The following FOXD3 variants were observed in gnomAD, a reference collection of about 807,000 sequenced individuals.
FOXD3 encodes the protein forkhead box protein D3.
Under a neutral mutation model 3.6 loss-of-function variants are expected in FOXD3, and 3 were observed. The ratio of observed to expected loss-of-function variants is 0.84; its 90% CI spans 0.38 to 2.18. The LOEUF (loss-of-function observed/expected upper bound fraction) is 2.18, where lower values mean the gene tolerates loss of function less well. FOXD3 is among the 30% of genes most tolerant of loss of function. The probability of loss-of-function intolerance (pLI) is 0.06; values close to 1 mark genes in which losing one functional copy is unlikely to be tolerated. For synonymous variants in FOXD3, 391 were observed against 360.9 expected (o/e 1.08, Z -0.94); for missense variants, 686 against 731.6 (o/e 0.94, Z 0.72).
rs981994265 is a variant in FOXD3 at position 63,324,799 on chromosome 1, C to G, written c.*304C>G. 1.3e-4 allele frequency: 54 copies of G among 423,808 alleles called. No homozygotes were observed. The South Asian group carries it at 1.7e-3, about 14-fold the overall frequency. 26.3% of individuals were successfully genotyped at this position (423,808 alleles called of 1,614,324 possible). A position where few individuals can be genotyped will look rare whatever the true frequency, so the allele number is the denominator to read the frequency against. ...CCCCGACGGCGCCTGCTCTTAGTAC[C>G]GTGGGGATGGGAGGGAAATTCTTTG... On this transcript the variant is annotated 3_prime_UTR_variant, in exon 1 of 1. Transcript: ENST00000371116. The surrounding 1 kb of genome is among the most constrained non-coding windows in gnomAD (Gnocchi z 4.1).
At position 63,323,088 on chromosome 1, in the gene FOXD3, C is replaced by A; in HGVS notation, c.30C>A (p.Ser10Arg). ...CCCTCTCCGGCGGCGGCAGCGCCAG[C>A]GACATGTCCGGCCAGACGGTGCTGA... MTLSGGGSA[S>R]DMSGQTVLTA... is the part of the protein sequence containing the mutation. The change falls in exon 1 of 1, where the codon AGC (serine) becomes AGA (arginine). Residue 10 changes from serine to arginine, a missense_variant. Ser to Arg is a moderately radical substitution (Grantham distance 110). Around this residue, in one of 3 missense-constraint regions of FOXD3, gnomAD observed 232 missense variants for 214.0 expected, o/e 1.08. Transcript: ENST00000371116. The surrounding 1 kb of genome is among the most constrained non-coding windows in gnomAD (Gnocchi z 6.8). 1.9e-6 allele frequency: 3 copies of A among 1,557,570 alleles called. No homozygotes were observed. Among genetic ancestry groups the A allele is most frequent in the East Asian group, 2.4e-5 (1 of 40,868 alleles).
In FOXD3 at chr1:63,324,544, C is replaced by CAA. The variant is rs763784179; in HGVS notation, c.*51_*52dup. On this transcript the variant is annotated 3_prime_UTR_variant, in exon 1 of 1. Coordinates refer to ENST00000371116, the MANE Select transcript of FOXD3 (RefSeq NM_012183.3). The surrounding 1 kb of genome is among the most constrained non-coding windows in gnomAD (Gnocchi z 4.1). ...AGGGTCCGGCGGCGGCCTCGAGCAA[C>CAA]AAATGCACCTCCAGGCTGCGCGCCC... 7.7e-5 allele frequency: 106 copies of CAA among 1,377,244 alleles called. 3 individuals carry two copies. In the Middle Eastern group the frequency reaches 2.1e-3, roughly 27 times the overall value. 85.3% of individuals were successfully genotyped at this position (1,377,244 alleles called of 1,614,324 possible).
In FOXD3 at chr1:63,324,566, G is replaced by T; in HGVS notation, c.*71G>T. ...CAACAAATGCACCTCCAGGCTGCGC[G>T]CCCTGTCCCAAGCCCGGTCCCGGTC... On this transcript the variant is annotated 3_prime_UTR_variant, in exon 1 of 1. Transcript: ENST00000371116. The surrounding 1 kb of genome is among the most constrained non-coding windows in gnomAD (Gnocchi z 4.1). 1 of 1,194,050 alleles carries T rather than the reference G, an allele frequency of 8.4e-7. No homozygotes were observed. Among genetic ancestry groups the T allele is most frequent in the Non-Finnish European group, 1.2e-6 (1 of 838,392 alleles). 74.0% of individuals were successfully genotyped at this position (1,194,050 alleles called of 1,614,324 possible). A position where few individuals can be genotyped will look rare whatever the true frequency, so the allele number is the denominator to read the frequency against.
At position 63,323,562 on chromosome 1, in the gene FOXD3, C is replaced by A; in HGVS notation, c.504C>A (p.Cys168Ter). Residue 168 changes from cysteine to a stop codon, truncating the protein, a stop_gained, in exon 1 of 1, where the codon TGC (cysteine) becomes TGA (stop). Coordinates refer to ENST00000371116, the MANE Select transcript of FOXD3 (RefSeq NM_012183.3). LOFTEE classifies it low-confidence loss of function (END_TRUNC). This position sits in a 1 kb window ranked among gnomAD's most constrained non-coding sequence, Gnocchi z 6.8. ...PQKKLTLSGI[C>*]EFISNRFPYY... is the part of the protein sequence containing the mutation. The stretch of plus-strand genomic sequence containing the variant: ...AGAAGCTGACCCTGAGCGGCATCTG[C>A]GAGTTCATCAGCAACCGCTTCCCCT... 1 of 1,614,136 alleles carries A rather than the reference C, an allele frequency of 6.2e-7. No homozygotes were observed. Among genetic ancestry groups the A allele is most frequent in the Non-Finnish European group, 8.5e-7 (1 of 1,180,024 alleles).
In FOXD3 at chr1:63,324,124, G is replaced by A; in HGVS notation, c.1066G>A (p.Gly356Ser). Reference sequence around the variant, plus strand: ...CCTGGGCGCCGCCGCGGCCGCTGCGGGCACAGCGGGCGCCGCGGGCACCAC... The same window carrying A: ...CCTGGGCGCCGCCGCGGCCGCTGCGAGCACAGCGGGCGCCGCGGGCACCAC... ...NSLGAAAAAA[G>S]TAGAAGTTAS... The change falls in exon 1 of 1, where the codon GGC (glycine) becomes AGC (serine). Residue 356 changes from glycine (G) to serine (S), a missense_variant. By Grantham distance (56) the Gly-to-Ser change is moderately conservative. This residue lies in a region of FOXD3 where 370 missense variants were observed against 372.3 expected (regional missense o/e 0.99). Transcript: ENST00000371116. This position sits in a 1 kb window ranked among gnomAD's most constrained non-coding sequence, Gnocchi z 4.1. The A allele has an allele frequency of 2.1e-6, 3 of 1,432,956 alleles. No homozygotes were observed. The highest frequency in any genetic ancestry group is 2.8e-5 in the South Asian group (2 of 70,274). 88.8% of individuals were successfully genotyped at this position (1,432,956 alleles called of 1,614,324 possible). A position where few individuals can be genotyped will look rare whatever the true frequency, so the allele number is the denominator to read the frequency against.
In FOXD3 at chr1:63,324,139, G is replaced by C; in HGVS notation, c.1081G>C (p.Ala361Pro). 4 of 1,433,158 alleles carry C rather than the reference G, an allele frequency of 2.8e-6. No individual in the cohort carries two copies. Among genetic ancestry groups the C allele is most frequent in the South Asian group, 1.4e-5 (1 of 70,100 alleles). 88.8% of individuals were successfully genotyped at this position (1,433,158 alleles called of 1,614,324 possible). ...GGCCGCTGCGGGCACAGCGGGCGCC[G>C]CGGGCACCACCGCGTCGCTCATCAA... ...AAAAAGTAGA[A>P]GTTASLIKSE... Residue 361 changes from alanine (A) to proline (P), a missense_variant, in exon 1 of 1, where the codon GCG (alanine) becomes CCG (proline). Ala to Pro is a conservative substitution (Grantham distance 27, BLOSUM62 -1). Transcript: ENST00000371116. This position sits in a 1 kb window ranked among gnomAD's most constrained non-coding sequence, Gnocchi z 4.1.
Position 63,323,041 on chromosome 1 carries a change from T to C in FOXD3, c.-18T>C, listed in dbSNP as rs1399425275. On this transcript the variant is annotated 5_prime_UTR_variant, in exon 1 of 1. Transcript: ENST00000371116. This position sits in a 1 kb window ranked among gnomAD's most constrained non-coding sequence, Gnocchi z 6.8. ...CCCGCTGCCCCCTCCCCGCCGCCGCTACCAACCCCGAGGAGGGATGACCCT... is the reference window on the plus strand; with the variant it reads ...CCCGCTGCCCCCTCCCCGCCGCCGCCACCAACCCCGAGGAGGGATGACCCT... The C allele has an allele frequency of 3.9e-6, 6 of 1,521,624 alleles. No individual in the cohort carries two copies. The highest frequency in any genetic ancestry group is 3.5e-6 in the Non-Finnish European group (4 of 1,138,642). The allele number at this position is 1,521,624 out of a possible 1,614,324, so 94.3% of individuals were successfully genotyped here. A position where few individuals can be genotyped will look rare whatever the true frequency, so the allele number is the denominator to read the frequency against.
At position 63,324,830 on chromosome 1, in the gene FOXD3, A is replaced by G. The variant is rs2100341777; in HGVS notation, c.*335A>G. 3.3e-6 allele frequency: 1 copy of G among 307,008 alleles called. No homozygotes were observed. Among genetic ancestry groups the G allele is most frequent in the East Asian group, 6.7e-5 (1 of 15,016 alleles). The allele number at this position is 307,008 out of a possible 1,614,324, so 19.0% of individuals were successfully genotyped here. On this transcript the variant is annotated 3_prime_UTR_variant, in exon 1 of 1. Coordinates refer to ENST00000371116, the MANE Select transcript of FOXD3 (RefSeq NM_012183.3). This position sits in a 1 kb window ranked among gnomAD's most constrained non-coding sequence, Gnocchi z 4.1. Reference sequence around the variant, plus strand: ...GATGGGAGGGAAATTCTTTGTATATATTTGTAAAAAAATTATTGACTTTCC... The same window carrying G: ...GATGGGAGGGAAATTCTTTGTATATGTTTGTAAAAAAATTATTGACTTTCC...
At position 63,324,454 on chromosome 1, in the gene FOXD3, G is replaced by T. The variant is rs1423432231; in HGVS notation, c.1396G>T (p.Ala466Ser). 2.1e-5 allele frequency: 32 copies of T among 1,538,580 alleles called. No individual in the cohort carries two copies. The highest frequency in any genetic ancestry group is 2.0e-4 in the Admixed American group (10 of 51,014). The stretch of plus-strand genomic sequence containing the variant: ...GCAGCCCGCAGCCTCGGCCGCCGCC[G>T]CTGCTGCGGCCGCCGCTCAAGCCAA... ...FLQPAASAAA[A>S]AAAAAQAKWP... Residue 466 changes from alanine to serine, a missense_variant, in exon 1 of 1, where the codon GCT becomes TCT. Coordinates refer to ENST00000371116, the MANE Select transcript of FOXD3 (RefSeq NM_012183.3). The surrounding 1 kb of genome is among the most constrained non-coding windows in gnomAD (Gnocchi z 4.1).
At position 63,323,289 on chromosome 1, in the gene FOXD3, G is replaced by A; in HGVS notation, c.231G>A (p.Gln77=). 1.4e-6 allele frequency: 2 copies of A among 1,457,552 alleles called. No homozygotes were observed. Among genetic ancestry groups the A allele is most frequent in the Non-Finnish European group, 1.8e-6 (2 of 1,108,572 alleles). 90.3% of individuals were successfully genotyped at this position (1,457,552 alleles called of 1,614,324 possible). Residue 77 remains glutamine, a synonymous_variant, in exon 1 of 1, where the codon CAG becomes CAA. Coordinates refer to ENST00000371116, the MANE Select transcript of FOXD3 (RefSeq NM_012183.3). The surrounding 1 kb of genome is among the most constrained non-coding windows in gnomAD (Gnocchi z 6.8). ...GACAGCCTCAGCCGCCCCACCAGCA[G>A]CCCCTGACATTGCCCAAGGAGGCGG... ...HHGQPQPPHQ[Q]PLTLPKEAAG...
Position 63,324,281 on chromosome 1 carries a change from G to C in FOXD3, c.1223G>C (p.Gly408Ala). Reference sequence around the variant, plus strand: ...GTCGCCGGCGGCACTGGGGGTTCAGGGGGCGGCAGCACGGCGCAGTCGTTT... The same window carrying C: ...GTCGCCGGCGGCACTGGGGGTTCAGCGGGCGGCAGCACGGCGCAGTCGTTT... ...AGVAGGTGGSGGGSTAQSFLR... is the reference protein window; with the variant it reads ...AGVAGGTGGSAGGSTAQSFLR... Residue 408 changes from glycine (G) to alanine (A), a missense_variant, in exon 1 of 1, where the codon GGG becomes GCG. This residue lies in a region of FOXD3 where 370 missense variants were observed against 372.3 expected (regional missense o/e 0.99). Coordinates refer to ENST00000371116, the MANE Select transcript of FOXD3 (RefSeq NM_012183.3). This position sits in a 1 kb window ranked among gnomAD's most constrained non-coding sequence, Gnocchi z 4.1. 6.6e-7 allele frequency: 1 copy of C among 1,518,506 alleles called. No individual in the cohort carries two copies. The highest frequency in any genetic ancestry group is 2.6e-5 in the East Asian group (1 of 37,892). The allele number at this position is 1,518,506 out of a possible 1,614,324, so 94.1% of individuals were successfully genotyped here.
In FOXD3 at chr1:63,323,181, C is replaced by T. The variant is rs1473760674; in HGVS notation, c.123C>T (p.Asp41=). 5 of 1,559,762 alleles carry T rather than the reference C, an allele frequency of 3.2e-6. No homozygotes were observed. Among genetic ancestry groups the T allele is most frequent in the Non-Finnish European group, 4.3e-6 (5 of 1,155,116 alleles). ...ACGGGCTGGAAGAGAAGGACAGCGA[C>T]GCAGGTTGCGATAGCCCCGCGGGGC... ...GDDGLEEKDS[D]AGCDSPAGPP... The change falls in exon 1 of 1, where the codon GAC becomes GAT. Residue 41 remains aspartate, a synonymous_variant. Transcript: ENST00000371116. The surrounding 1 kb of genome is among the most constrained non-coding windows in gnomAD (Gnocchi z 6.8).
Position 63,324,468 on chromosome 1 carries a change from C to G in FOXD3, c.1410C>G (p.Ala470=). The G allele has an allele frequency of 6.5e-7, 1 of 1,541,020 alleles. No individual in the cohort carries two copies. The highest frequency in any genetic ancestry group is 2.4e-5 in the East Asian group (1 of 40,928). The change falls in exon 1 of 1, where the codon GCC becomes GCG. Residue 470 remains alanine, a synonymous_variant. Coordinates refer to ENST00000371116, the MANE Select transcript of FOXD3 (RefSeq NM_012183.3). This position sits in a 1 kb window ranked among gnomAD's most constrained non-coding sequence, Gnocchi z 4.1. ...CGGCCGCCGCCGCTGCTGCGGCCGCCGCTCAAGCCAAATGGCCGGCGCAAT... is the reference window on the plus strand; with the variant it reads ...CGGCCGCCGCCGCTGCTGCGGCCGCGGCTCAAGCCAAATGGCCGGCGCAAT... ...AASAAAAAAA[A]AQAKWPAQ
chr1:63,324,493 T>C lies in FOXD3; in HGVS notation c.1435T>C (p.Ter479GlnextTer83). 6.5e-7 allele frequency: 1 copy of C among 1,534,998 alleles called. No homozygotes were observed. The highest frequency in any genetic ancestry group is 8.7e-7 in the Non-Finnish European group (1 of 1,145,734). ...AAAQAKWPAQ[*>Q] ...CGCTCAAGCCAAATGGCCGGCGCAA[T>C]AGGGACGCGCCAATGGCCGGGACCC... Residue 479 changes from the stop codon to glutamine (Q), a stop_lost, in exon 1 of 1, where the codon TAG (stop) becomes CAG (glutamine). Coordinates refer to ENST00000371116, the MANE Select transcript of FOXD3 (RefSeq NM_012183.3). This position sits in a 1 kb window ranked among gnomAD's most constrained non-coding sequence, Gnocchi z 4.1.
At position 63,324,517 on chromosome 1, in the gene FOXD3, C is replaced by G; in HGVS notation, c.*22C>G. The G allele has an allele frequency of 3.3e-6, 5 of 1,518,560 alleles. No homozygotes were observed. The highest frequency in any genetic ancestry group is 3.5e-6 in the Non-Finnish European group (4 of 1,132,748). The allele number at this position is 1,518,560 out of a possible 1,614,324, so 94.1% of individuals were successfully genotyped here. On this transcript the variant is annotated 3_prime_UTR_variant, in exon 1 of 1. Coordinates refer to ENST00000371116, the MANE Select transcript of FOXD3 (RefSeq NM_012183.3). This position sits in a 1 kb window ranked among gnomAD's most constrained non-coding sequence, Gnocchi z 4.1. ...ATAGGGACGCGCCAATGGCCGGGAC[C>G]CAGGGTCCGGCGGCGGCCTCGAGCA...
At position 63,324,286 on chromosome 1, in the gene FOXD3, G is replaced by A. The variant is rs1385689488; in HGVS notation, c.1228G>A (p.Gly410Ser). The change falls in exon 1 of 1, where the codon GGC becomes AGC. Residue 410 changes from glycine (G) to serine (S), a missense_variant. Physicochemically the swap from Gly to Ser is moderately conservative, Grantham distance 56. This residue lies in a region of FOXD3 where 370 missense variants were observed against 372.3 expected (regional missense o/e 0.99). Coordinates refer to ENST00000371116, the MANE Select transcript of FOXD3 (RefSeq NM_012183.3). The surrounding 1 kb of genome is among the most constrained non-coding windows in gnomAD (Gnocchi z 4.1). ...CGGCGGCACTGGGGGTTCAGGGGGCGGCAGCACGGCGCAGTCGTTTCTGCG... is the reference window on the plus strand; with the variant it reads ...CGGCGGCACTGGGGGTTCAGGGGGCAGCAGCACGGCGCAGTCGTTTCTGCG... ...VAGGTGGSGGGSTAQSFLRPP... is the reference protein window; with the variant it reads ...VAGGTGGSGGSSTAQSFLRPP... 2 of 1,525,526 alleles carry A rather than the reference G, an allele frequency of 1.3e-6. No individual in the cohort carries two copies. Among genetic ancestry groups the A allele is most frequent in the East Asian group, 5.2e-5 (2 of 38,402 alleles). The allele number at this position is 1,525,526 out of a possible 1,614,324, so 94.5% of individuals were successfully genotyped here.
chr1:63,325,046 T>C lies in FOXD3; in HGVS notation c.*551T>C, dbSNP rs1322829953. The stretch of plus-strand genomic sequence containing the variant: ...TCATTCTATTATAAAAGTCTGTTTA[T>C]ATATGAATGAATATATATGGTATTC... On this transcript the variant is annotated 3_prime_UTR_variant, in exon 1 of 1. Coordinates refer to ENST00000371116, the MANE Select transcript of FOXD3 (RefSeq NM_012183.3). 1 of 167,406 alleles carries C rather than the reference T, an allele frequency of 6.0e-6. No homozygotes were observed. The highest frequency in any genetic ancestry group is 2.4e-5 in the African/African-American group (1 of 41,482). 10.4% of individuals were successfully genotyped at this position (167,406 alleles called of 1,614,324 possible).
rs1056174980 is a variant in FOXD3, at chr1:63,324,604, C to G, written c.*109C>G. On this transcript the variant is annotated 3_prime_UTR_variant, in exon 1 of 1. Transcript: ENST00000371116. The surrounding 1 kb of genome is among the most constrained non-coding windows in gnomAD (Gnocchi z 4.1). ...CCCGGTCCCGGTCCCGCTGCCCAAT[C>G]CTGGACTCTGCCTCTCCCCAATTTC... is the stretch of plus-strand genomic sequence containing the variant. 7 of 801,746 alleles carry G rather than the reference C, an allele frequency of 8.7e-6. No individual in the cohort carries two copies. In the African/African-American group the frequency reaches 1.3e-4, roughly 15 times the overall value. 49.7% of individuals were successfully genotyped at this position (801,746 alleles called of 1,614,324 possible). A position where few individuals can be genotyped will look rare whatever the true frequency, so the allele number is the denominator to read the frequency against.
In FOXD3 at chr1:63,324,672, C is replaced by T. The variant is rs546676770; in HGVS notation, c.*177C>T. 1.1e-5 allele frequency: 7 copies of T among 613,274 alleles called. No individual in the cohort carries two copies. Among genetic ancestry groups the T allele is most frequent in the Admixed American group, 9.3e-5 (3 of 32,180 alleles). The allele number at this position is 613,274 out of a possible 1,614,324, so 38.0% of individuals were successfully genotyped here. ...AACGCCTACCTTCCGCGGCCTCCAT[C>T]CCCTCGCGCACACCTAAGCTGGTCG... On this transcript the variant is annotated 3_prime_UTR_variant, in exon 1 of 1. Transcript: ENST00000371116. This position sits in a 1 kb window ranked among gnomAD's most constrained non-coding sequence, Gnocchi z 4.1.
Sources: allele counts gnomAD v4.1 joint callset, GRCh38; gene constraint gnomAD v4.1.1; regional missense constraint gnomAD v4.1.1; non-coding constraint Gnocchi (gnomAD v3.1); transcripts MANE v1.5; gene names NCBI Gene and HGNC (gene_info 2026-07-23, HGNC 2026-07-21).